The following ATP11C variants were observed in gnomAD, a reference collection of about 807,000 sequenced individuals.
ATP11C encodes ATPase phospholipid transporting 11C (ATP11C blood group).
A neutral mutation model predicts 97.4 loss-of-function variants in ATP11C; 36 were observed. That is an observed-to-expected ratio of 0.37 (90% CI 0.28 to 0.49). ATP11C has a LOEUF of 0.49. Among genes scored for constraint, ATP11C ranks in the 20% least tolerant of loss-of-function variants. ATP11C has a pLI of 0.98. For synonymous variants in ATP11C, 275 were observed against 290.9 expected, an observed-to-expected ratio of 0.95 and a Z score of 0.56; for missense variants, 730 against 824.6, an observed-to-expected ratio of 0.89 and a Z score of 1.40.
In ATP11C at chrX:139,766,613, CGT is replaced by C. The variant is rs112537691; in HGVS notation, c.2391+1645_2391+1646del. On this transcript the variant is annotated intron_variant, in intron 20 of 29. Coordinates refer to ENST00000682941, the MANE Select transcript of ATP11C (RefSeq NM_001353812.2). ...GTGTGTGTGTGTGTGCATATGTGTG[CGT>C]GTGTGTGTGCGCGCGCACAGTATAT... 3.2e-3 allele frequency among the ~76,000 whole-genome samples: 359 copies of C among 110,569 alleles called. 2 individuals carry two copies. The highest frequency in any genetic ancestry group is 9.5e-3 in the African/African-American group (289 of 30,432).
At chrX:139,818,556 A>C (rs995246259) in intron 3 of ATP11C, among the ~76,000 whole-genome samples, 2 of 111,992 alleles carry the variant, frequency 1.8e-5, no homozygotes, top group Non-Finnish European at 3.8e-5. Flanking sequence ...CAGGATTAAA[A>C]TAGGCTCTTG....
intron 18 of ATP11C, among the ~76,000 whole-genome samples, chrX:139,775,444 C>A (rs2082329223): frequency 8.9e-6 from 1 of 111,918 alleles, no homozygotes; most frequent in African/African-American, 3.3e-5. Flanking sequence ...ACATCAAATG[C>A]CAGTTGTCCT....
chrX:139,908,740 T>C (rs2085022418), intron 1 of ATP11C, among the ~76,000 whole-genome samples: 1 of 112,330 alleles, frequency 8.9e-6, no homozygotes, highest in African/African-American at 3.2e-5. Context: ...GCAGATTTTT[T>C]ATTGCTTTCT....
rs767446777 is a variant in ATP11C at position 139,888,753 on chromosome X, T to C, written c.27+43263A>G. Among the ~76,000 whole-genome samples, 271 of 110,708 alleles carry C rather than the reference T, an allele frequency of 2.4e-3. 2 individuals carry two copies. The highest frequency in any genetic ancestry group is 8.6e-3 in the African/African-American group (262 of 30,483). On this transcript the variant is annotated intron_variant, in intron 1 of 29. Coordinates refer to ENST00000682941, the MANE Select transcript of ATP11C (RefSeq NM_001353812.2). ...AATGTACCCAGTACATTTCAGTCTA[T>C]GATGCTTTTATATATTTACTGAAAA...
At chrX:139,794,738 G>C (rs1476713438) in intron 12 of ATP11C, among the ~76,000 whole-genome samples, 1 of 112,173 alleles carries the variant, frequency 8.9e-6, no homozygotes, top group African/African-American at 3.2e-5. Flanking sequence ...AGATCTGAAA[G>C]AGGTAAGAGT....
At chrX:139,729,692 C>T (rs1488012168) in intron 29 of ATP11C, among the ~76,000 whole-genome samples, 2 of 111,817 alleles carry the variant, frequency 1.8e-5, no homozygotes, top group Non-Finnish European at 3.8e-5. Context: ...TGGTGCATGA[C>T]AGACAAACTG....
At position 139,745,772 on chromosome X, in the gene ATP11C, A is replaced by G; in HGVS notation, c.2914T>C (p.Phe972Leu). ...GTCTGAAAAAGAAAGTAAGTCCCAAAGAAGAACACTGTCCCTTCAAAGGCA... is the reference window on the plus strand; with the variant it reads ...GTCTGAAAAAGAAAGTAAGTCCCAAGGAAGAACACTGTCCCTTCAAAGGCA... Reference protein sequence around the residue: ...LAAFEGTVFFFGTYFLFQTAS... With the variant: ...LAAFEGTVFFLGTYFLFQTAS... Residue 972 changes from phenylalanine to leucine, a missense_variant, in exon 25 of 30, where the codon TTT becomes CTT. Transcript: ENST00000682941. 5.0e-6 allele frequency: 6 copies of G among 1,208,816 alleles called. No homozygotes were observed. The highest frequency in any genetic ancestry group is 6.7e-6 in the Non-Finnish European group (6 of 893,766).
intron 28 of ATP11C, among the ~76,000 whole-genome samples, chrX:139,733,199 T>C (rs1040611980): frequency 8.9e-6 from 1 of 111,870 alleles, no homozygotes; most frequent in Non-Finnish European, 1.9e-5. Context: ...TTATTTTTTT[T>C]CCCCTTAAAA....
chrX:139,934,266 G>A (rs373584415), upstream of ATP11C, among the ~76,000 whole-genome samples: 1 of 111,615 alleles, frequency 9.0e-6, no homozygotes, highest in South Asian at 3.8e-4. Flanking sequence ...CGATCAACGA[G>A]AAGCCCATCT....
In ATP11C at chrX:139,816,847, TA is replaced by T. The variant is rs2147845536; in HGVS notation, c.318+15del. 8.7e-7 allele frequency: 1 copy of T among 1,151,976 alleles called. No homozygotes were observed. The highest frequency in any genetic ancestry group is 1.2e-6 in the Non-Finnish European group (1 of 846,274). 94.9% of individuals were successfully genotyped at this position (1,151,976 alleles called of 1,213,427 possible). On this transcript the variant is annotated intron_variant, in intron 4 of 29. Coordinates refer to ENST00000682941, the MANE Select transcript of ATP11C (RefSeq NM_001353812.2). ...CTGGACTGAAATGCAGGTGCAAGTG[TA>T]AATAAGAAATTTACCTGCTTGATGG...
chrX:139,763,272 T>C, intron 21 of ATP11C, 44 bp downstream of exon 21: 2 of 1,028,793 alleles, frequency 1.9e-6, no homozygotes, highest in Non-Finnish European at 2.7e-6. Flanking sequence ...CTAAAAGCAA[T>C]ACTGATACTT....
intron 1 of ATP11C, among the ~76,000 whole-genome samples, chrX:139,919,477 A>ACACACACG (rs1362212623): frequency 9.2e-6 from 1 of 109,207 alleles, no homozygotes; most frequent in Non-Finnish European, 1.9e-5. Context: ...ACACACACAC[A>ACACACACG]CACACACACA....
chrX:139,786,159 T>C (rs1486195414), intron 15 of ATP11C, among the ~76,000 whole-genome samples: 1 of 111,795 alleles, frequency 8.9e-6, no homozygotes, highest in African/African-American at 3.3e-5. Flanking sequence ...CAAATGTGTG[T>C]GTGGATGGCT....
intron 18 of ATP11C, among the ~76,000 whole-genome samples, chrX:139,782,108 C>T (rs927765357): frequency 1.1e-4 from 12 of 110,686 alleles, no homozygotes; most frequent in African/African-American, 2.3e-4. Flanking sequence ...GGACAGATCA[C>T]GAGGTCAGGA....
At chrX:139,924,456 C>A (rs1272214251) in intron 1 of ATP11C, among the ~76,000 whole-genome samples, 1 of 111,547 alleles carries the variant, frequency 9.0e-6, no homozygotes, top group Non-Finnish European at 1.9e-5. Context: ...ACAATATTTG[C>A]GTGATGGAAA....
rs2085455821 is a variant in ATP11C, at chrX:139,932,421, G to T, written c.-379C>A. ...GCGAGGCTCCTCCTGTGGGGAGGGGGCGCCCCCGTCTCTCCGCCAGCGCCG... is the reference window on the plus strand; with the variant it reads ...GCGAGGCTCCTCCTGTGGGGAGGGGTCGCCCCCGTCTCTCCGCCAGCGCCG... On this transcript the variant is annotated 5_prime_UTR_variant, in exon 1 of 30. Coordinates refer to ENST00000682941, the MANE Select transcript of ATP11C (RefSeq NM_001353812.2). 1 of 109,790 alleles carries T rather than the reference G, an allele frequency of 9.1e-6. No homozygotes were observed. Among genetic ancestry groups the T allele is most frequent in the African/African-American group, 3.3e-5 (1 of 30,397 alleles). The allele number at this position is 109,790 out of a possible 1,213,427, so 9.0% of individuals were successfully genotyped here. A position where few individuals can be genotyped will look rare whatever the true frequency, so the allele number is the denominator to read the frequency against.
chrX:139,903,277 T>C lies in ATP11C; in HGVS notation c.27+28739A>G, dbSNP rs756228282. Among the ~76,000 whole-genome samples, 3 of 111,577 alleles carry C rather than the reference T, an allele frequency of 2.7e-5. No individual in the cohort carries two copies. In the East Asian group the frequency reaches 8.5e-4, roughly 32 times the overall value. ...ACTTCCATAGCCCTTGTTACAGCAT[T>C]TTGTTATAATGTTGGGTGTGTTAGG... On this transcript the variant is annotated intron_variant, in intron 1 of 29. Coordinates refer to ENST00000682941, the MANE Select transcript of ATP11C (RefSeq NM_001353812.2).
intron 1 of ATP11C, among the ~76,000 whole-genome samples, chrX:139,911,939 A>G (rs1310344102): frequency 1.8e-5 from 2 of 109,884 alleles, no homozygotes; most frequent in Admixed American, 2.0e-4. Context: ...GCACTTTGGG[A>G]GGCCGAGGGA....
At chrX:139,853,271 C>CAG (rs984908557) in intron 1 of ATP11C, among the ~76,000 whole-genome samples, 9 of 107,305 alleles carry the variant, frequency 8.4e-5, no homozygotes, top group African/African-American at 3.1e-4. Flanking sequence ...GAAAGACCAG[C>CAG]AGAGAGAGAG....
Sources: gnomAD v4.1 joint callset for allele counts (sites outside exome capture counted in the v4.1 genomes callset) on GRCh38, gnomAD v4.1.1 for gene constraint, MANE v1.5 for transcripts, NCBI Gene and HGNC (gene_info 2026-07-23, HGNC 2026-07-21) for gene names.